The following CCDC148 variants were observed in gnomAD, a reference collection of about 807,000 sequenced individuals.
CCDC148 encodes coiled-coil domain-containing protein 148.
A neutral mutation model predicts 85.7 loss-of-function variants in CCDC148; 89 were observed. The ratio of observed to expected loss-of-function variants is 1.04; its 90% CI spans 0.87 to 1.24. The LOEUF (loss-of-function observed/expected upper bound fraction) is 1.24. CCDC148 is among the 50% of genes most tolerant of loss of function. The probability of loss-of-function intolerance (pLI) is 0.00; values close to 1 mark genes in which losing one functional copy is unlikely to be tolerated. For missense variants in CCDC148, 692 were observed against 671.7 expected (o/e 1.03, Z -0.33); for synonymous variants, 230 against 213.9 (o/e 1.08, Z -0.66).
intron 1 of CCDC148, among the ~76,000 whole-genome samples, chr2:158,376,508 A>G (rs916678017): frequency 6.6e-6 from 1 of 152,162 alleles, no homozygotes; most frequent in African/African-American, 2.4e-5. Flanking sequence ...ATAAAACTCT[A>G]TTAAATTACA....
intron 1 of CCDC148, among the ~76,000 whole-genome samples, chr2:158,398,114 C>T (rs1381092636): frequency 6.6e-6 from 1 of 152,046 alleles, no homozygotes; most frequent in Admixed American, 6.6e-5. Flanking sequence ...CAGGAGCACC[C>T]AGATTCATAA....
intron 5 of CCDC148, 23 bp downstream of exon 5, chr2:158,340,219 G>T: frequency 6.2e-7 from 1 of 1,604,126 alleles, no homozygotes. Flanking sequence ...TTACATTATG[G>T]AAAATAAAGG....
At chr2:158,426,934 T>C (rs756738006) in intron 1 of CCDC148, among the ~76,000 whole-genome samples, 6 of 152,190 alleles carry the variant, frequency 3.9e-5, no homozygotes, top group Non-Finnish European at 8.8e-5. Context: ...TAGAAGGCAG[T>C]TCATTTTGTG....
chr2:158,233,354 C>T lies in CCDC148; in HGVS notation c.1252-12641G>A, dbSNP rs1460822485. Among the ~76,000 whole-genome samples the T allele has an allele frequency of 4.6e-5, 7 of 152,070 alleles. No homozygotes were observed. The East Asian group carries it at 9.7e-4, about 21-fold the overall frequency. On this transcript the variant is annotated intron_variant, in intron 10 of 13. Transcript: ENST00000283233. ...ATGGTTCCTGTACCCCCTAAAATCA[C>T]CACCAATTGAAGTATGACTCCTCTT...
chr2:158,273,625 C>A (rs1461148685), intron 9 of CCDC148, among the ~76,000 whole-genome samples: 1 of 152,148 alleles, frequency 6.6e-6, no homozygotes, highest in Non-Finnish European at 1.5e-5. Context: ...ATGCCACACC[C>A]TAGAGGTGCT....
intron 11 of CCDC148, among the ~76,000 whole-genome samples, chr2:158,191,501 T>C (rs1685421632): frequency 6.6e-6 from 1 of 152,026 alleles, no homozygotes. Context: ...TCGGGGTTTT[T>C]TCTTCTACTT....
intron 10 of CCDC148, among the ~76,000 whole-genome samples, chr2:158,231,154 G>A (rs1200144041): frequency 2.0e-5 from 3 of 152,140 alleles, no homozygotes; most frequent in Admixed American, 6.5e-5. Context: ...AACAGTATTT[G>A]ACACCAGAGG....
intron 9 of CCDC148, among the ~76,000 whole-genome samples, chr2:158,270,452 GAA>G (rs1574513312): frequency 1.3e-5 from 2 of 152,184 alleles, no homozygotes; most frequent in African/African-American, 2.4e-5. Context: ...TTTGTACGAG[GAA>G]AAGAGTCCTT....
At chr2:158,295,230 C>A (rs1238943550) in intron 9 of CCDC148, among the ~76,000 whole-genome samples, 3 of 151,908 alleles carry the variant, frequency 2.0e-5, no homozygotes, top group African/African-American at 7.3e-5. Context: ...TGGCAATAAT[C>A]AATAGCTTAC....
chr2:158,364,346 T>C (rs1684105673), intron 1 of CCDC148, among the ~76,000 whole-genome samples: 1 of 152,212 alleles, frequency 6.6e-6, no homozygotes, highest in South Asian at 2.1e-4. Flanking sequence ...AGAGCCTGCA[T>C]AGTCAAGACA....
intron 10 of CCDC148, among the ~76,000 whole-genome samples, chr2:158,231,758 G>A (rs1687867215): frequency 1.3e-5 from 2 of 152,078 alleles, no homozygotes; most frequent in Admixed American, 1.3e-4. Flanking sequence ...TTAGGTGACT[G>A]GAAGTTTCTT....
intron 11 of CCDC148, among the ~76,000 whole-genome samples, chr2:158,208,510 AG>A (rs1183134423): frequency 6.6e-6 from 1 of 152,172 alleles, no homozygotes; most frequent in Non-Finnish European, 1.5e-5. Context: ...GCAGAGAAGC[AG>A]GGCCTGTCGA....
intron 11 of CCDC148, among the ~76,000 whole-genome samples, chr2:158,203,475 T>A (rs1686073556): frequency 6.6e-6 from 1 of 152,096 alleles, no homozygotes; most frequent in Non-Finnish European, 1.5e-5. Context: ...CCACTATTAA[T>A]GGCAAATGAG....
chr2:158,222,308 A>T (rs1687227021), intron 10 of CCDC148, among the ~76,000 whole-genome samples: 1 of 152,148 alleles, frequency 6.6e-6, no homozygotes, highest in Non-Finnish European at 1.5e-5. Context: ...CAGATTTCTG[A>T]CACCACTTGA....
Position 158,361,865 on chromosome 2 carries a change from C to T in CCDC148, c.26-3295G>A, listed in dbSNP as rs543592336. Among the ~76,000 whole-genome samples, 26 of 152,100 alleles carry T rather than the reference C, an allele frequency of 1.7e-4. 1 individual carries two copies. The South Asian group carries it at 4.2e-3, about 24-fold the overall frequency. ...GCTAAATGCCTTTAATTAAAAGACA[C>T]AGACTGACAAATTGAATAAAGAGTC... On this transcript the variant is annotated intron_variant, in intron 1 of 13. Transcript: ENST00000283233.
intron 1 of CCDC148, among the ~76,000 whole-genome samples, chr2:158,409,461 G>A (rs1004375365): frequency 6.6e-6 from 1 of 152,220 alleles, no homozygotes; most frequent in African/African-American, 2.4e-5. Context: ...AGATTTGACT[G>A]CCCCGCTGGA....
At chr2:158,175,347 A>G (rs78755040) in intron 13 of CCDC148, among the ~76,000 whole-genome samples, 1 of 101,310 alleles carries the variant, frequency 9.9e-6, no homozygotes, top group Admixed American at 1.0e-4. Flanking sequence ...TTTTGTTGTT[A>G]TTATCGTAAA....
At position 158,341,907 on chromosome 2, in the gene CCDC148, A is replaced by ATT. The variant is rs982605555; in HGVS notation, c.252-1229_252-1228dup. 2.9e-4 allele frequency among the ~76,000 whole-genome samples: 34 copies of ATT among 117,568 alleles called. No individual in the cohort carries two copies. The South Asian group carries it at 4.4e-3, about 15-fold the overall frequency. 77.1% of individuals were successfully genotyped at this position (117,568 alleles called of 152,430 possible). A position where few individuals can be genotyped will look rare whatever the true frequency, so the allele number is the denominator to read the frequency against. On this transcript the variant is annotated intron_variant, in intron 3 of 13. Coordinates refer to ENST00000283233, the MANE Select transcript of CCDC148 (RefSeq NM_138803.4). Reference sequence around the variant, plus strand: ...CATATTTAACATTTTATGTTGTGGGATTTTTTTTTTTTTTTACTAACACTA... The same window carrying ATT: ...CATATTTAACATTTTATGTTGTGGGATTTTTTTTTTTTTTTTTACTAACACTA...
At chr2:158,441,057 A>G (rs1382477435) in intron 1 of CCDC148, among the ~76,000 whole-genome samples, 1 of 152,092 alleles carries the variant, frequency 6.6e-6, no homozygotes, top group East Asian at 1.9e-4. Flanking sequence ...CCTGTCTCTT[A>G]AAAAAAGAAA....
Sources: allele counts gnomAD v4.1 joint callset (sites outside exome capture counted in the v4.1 genomes callset), GRCh38; gene constraint gnomAD v4.1.1; transcripts MANE v1.5; gene names NCBI Gene and HGNC (gene_info 2026-07-23, HGNC 2026-07-21).